The following HYCC1 variants were observed in gnomAD, a reference collection of about 807,000 sequenced individuals.
HYCC1 encodes the protein hyccin PI4KA lipid kinase complex subunit 1.
the HYCC1 span, chr7:22,983,817 A>G: frequency 1.5e-6 from 1 of 672,358 alleles, no homozygotes; most frequent in Non-Finnish European, 2.7e-6. Flanking sequence ...ATGGTACACT[A>G]GAGTTCATTT....
chr7:22,911,262 G>A, the HYCC1 span, among the ~76,000 whole-genome samples: 1 of 152,112 alleles, frequency 6.6e-6, no homozygotes, highest in East Asian at 1.9e-4. Flanking sequence ...GTGTAGGCTG[G>A]TTTTGTTTTG....
At chr7:22,995,336 C>T in the HYCC1 span, among the ~76,000 whole-genome samples, 1 of 152,088 alleles carries the variant, frequency 6.6e-6, no homozygotes, top group African/African-American at 2.4e-5. Flanking sequence ...CAAACAACTC[C>T]TGCTTAAATC....
the HYCC1 span, chr7:22,938,484 A>G: frequency 6.6e-6 from 1 of 152,136 alleles, no homozygotes; most frequent in Non-Finnish European, 1.5e-5. Flanking sequence ...AGTAAGTCCT[A>G]TTATTTACTT....
At chr7:23,001,824 C>A in the HYCC1 span, among the ~76,000 whole-genome samples, 3 of 151,854 alleles carry the variant, frequency 2.0e-5, no homozygotes. Flanking sequence ...CAAAATTAGA[C>A]CAAAATTCTT....
At chr7:22,927,160 ATC>A in the HYCC1 span, among the ~76,000 whole-genome samples, 1 of 152,218 alleles carries the variant, frequency 6.6e-6, no homozygotes, top group Non-Finnish European at 1.5e-5. Context: ...ACATACCAGA[ATC>A]TCTGGGACAC....
chr7:22,923,316 T>G, the HYCC1 span, among the ~76,000 whole-genome samples: 2 of 151,982 alleles, frequency 1.3e-5, no homozygotes, highest in Non-Finnish European at 2.9e-5. Flanking sequence ...AACCAAACGG[T>G]CAAAGAAGAA....
the HYCC1 span, among the ~76,000 whole-genome samples, chr7:22,933,818 G>T: frequency 6.6e-6 from 1 of 152,054 alleles, no homozygotes. Context: ...GTCATCTGTG[G>T]ATGTTTTTAT....
At chr7:22,987,170 A>C in the HYCC1 span, among the ~76,000 whole-genome samples, 1 of 152,372 alleles carries the variant, frequency 6.6e-6, no homozygotes, top group African/African-American at 2.4e-5. Flanking sequence ...ATATTTTATA[A>C]GTAAATCTTT....
At chr7:22,926,545 A>G in the HYCC1 span, among the ~76,000 whole-genome samples, 1 of 152,222 alleles carries the variant, frequency 6.6e-6, no homozygotes, top group African/African-American at 2.4e-5. Flanking sequence ...AGTCTCAGAT[A>G]AAACAGACTT....
At chr7:22,925,779 CTT>C in the HYCC1 span, among the ~76,000 whole-genome samples, 2 of 152,172 alleles carry the variant, frequency 1.3e-5, no homozygotes, top group South Asian at 4.1e-4. Flanking sequence ...TCCAGGAGAA[CTT>C]CCCCAATCTA....
chr7:22,955,800 TAAGAA>T, the HYCC1 span, among the ~76,000 whole-genome samples: 3 of 151,644 alleles, frequency 2.0e-5, no homozygotes, highest in South Asian at 4.2e-4. Flanking sequence ...TTCAGGGACT[TAAGAA>T]AAGGGGCTTT....
chr7:23,003,986 A>C, the HYCC1 span, among the ~76,000 whole-genome samples: 1 of 152,256 alleles, frequency 6.6e-6, no homozygotes, highest in East Asian at 1.9e-4. Flanking sequence ...AAAACATTAT[A>C]GTAACCAAAG....
chr7:22,928,338 C>A, the HYCC1 span, among the ~76,000 whole-genome samples: 1 of 152,034 alleles, frequency 6.6e-6, no homozygotes, highest in East Asian at 1.9e-4. Context: ...CTGGCCAGGG[C>A]AATTAGGCAG....
chr7:22,906,616 C>T, the HYCC1 span, among the ~76,000 whole-genome samples: 1 of 150,712 alleles, frequency 6.6e-6, no homozygotes. Context: ...AAATGGAGGC[C>T]ATTTTCAGAT....
the HYCC1 span, among the ~76,000 whole-genome samples, chr7:22,903,697 C>T: frequency 6.6e-6 from 1 of 152,184 alleles, no homozygotes; most frequent in African/African-American, 2.4e-5. Context: ...GAAACACTGT[C>T]TACTCATGTT....
At chr7:22,987,238 T>A in the HYCC1 span, among the ~76,000 whole-genome samples, 1 of 152,208 alleles carries the variant, frequency 6.6e-6, no homozygotes, top group Non-Finnish European at 1.5e-5. Context: ...CCTAGACTAA[T>A]CATTTAGTTG....
At chr7:22,943,877 G>A in the HYCC1 span, 1 of 152,448 alleles carries the variant, frequency 6.6e-6, no homozygotes, top group African/African-American at 2.4e-5. Context: ...TCTGTTACTG[G>A]AGCTAAAAGA....
At chr7:22,942,420 G>C in the HYCC1 span, 7 of 152,140 alleles carry the variant, frequency 4.6e-5, no homozygotes, top group African/African-American at 1.7e-4. Context: ...TTCAGGAAGG[G>C]AAGGGAAGAC....
At chr7:22,936,401 A>G in the HYCC1 span, 1 of 152,224 alleles carries the variant, frequency 6.6e-6, no homozygotes, top group Non-Finnish European at 1.5e-5. Flanking sequence ...CTATCCTTCC[A>G]GTATAGCCGC....
Sources: allele counts gnomAD v4.1 joint callset (sites outside exome capture counted in the v4.1 genomes callset), GRCh38; gene constraint gnomAD v4.1.1; transcripts MANE v1.5; gene names NCBI Gene and HGNC (gene_info 2026-07-23, HGNC 2026-07-21).